UTRN: variants seen among roughly 807,000 people sequenced by gnomAD.
The protein encoded by UTRN is utrophin.
UTRN carries 283 observed loss-of-function variants against 463.9 expected under a neutral mutation model. The observed-to-expected ratio is 0.61, with a 90% CI of 0.55 to 0.67. UTRN has a LOEUF of 0.67. Ranked by LOEUF, UTRN falls within the 30% of genes least tolerant of loss-of-function variation. The probability of loss-of-function intolerance (pLI) is 0.00; values close to 1 mark genes in which losing one functional copy is unlikely to be tolerated. For missense variants in UTRN, 3,922 were observed against 4,084.3 expected (o/e 0.96, Z 1.08); for synonymous variants, 1,442 against 1,431.5 (o/e 1.01, Z -0.17).
Position 144,750,890 on chromosome 6 carries a change from T to C in UTRN, c.8209-916T>C, listed in dbSNP as rs147529727. ...GCTCATAATTACAATTTCTAAGTGC[T>C]CTTAGTAAGTTGTTTTAATGATTCT... On this transcript the variant is annotated intron_variant, in intron 55 of 74. Transcript: ENST00000367545. 3.9e-5 allele frequency among the ~76,000 whole-genome samples: 6 copies of C among 152,276 alleles called. No homozygotes were observed. In the East Asian group the frequency reaches 1.2e-3, roughly 29 times the overall value.
intron 4 of UTRN, 111 bp from the exon 5 acceptor site, chr6:144,423,438 C>G: frequency 9.3e-7 from 1 of 1,072,880 alleles, no homozygotes; most frequent in Non-Finnish European, 1.4e-6. Context: ...TCTCCTGCCT[C>G]TGAGGGGCCC....
At chr6:144,585,122 A>G (rs1802339593) in intron 51 of UTRN, among the ~76,000 whole-genome samples, 1 of 152,108 alleles carries the variant, frequency 6.6e-6, no homozygotes, top group South Asian at 2.1e-4. Flanking sequence ...TATTGGAGAA[A>G]GTTGCTAATT....
intron 51 of UTRN, among the ~76,000 whole-genome samples, chr6:144,610,947 GA>G (rs1447226093): frequency 6.6e-6 from 1 of 152,052 alleles, no homozygotes; most frequent in African/African-American, 2.4e-5. Context: ...GAATACAGGT[GA>G]AAAAACCCTC....
chr6:144,832,526 T>G (rs1586758019), intron 69 of UTRN, among the ~76,000 whole-genome samples: 1 of 152,320 alleles, frequency 6.6e-6, no homozygotes, highest in East Asian at 1.9e-4. Context: ...AAAAATTTAC[T>G]TGGTATTAAT....
chr6:144,517,383 A>G (rs1258407533), intron 39 of UTRN, among the ~76,000 whole-genome samples: 1 of 151,448 alleles, frequency 6.6e-6, no homozygotes, highest in African/African-American at 2.4e-5. Context: ...TTTTTTTTAA[A>G]GATGGGGTAT....
At chr6:144,685,730 A>G (rs9767429) in intron 52 of UTRN, among the ~76,000 whole-genome samples, 1 of 152,046 alleles carries the variant, frequency 6.6e-6, no homozygotes, top group African/African-American at 2.4e-5. Context: ...TGTTCTTGCT[A>G]ATTTGAGTTC....
intron 71 of UTRN, among the ~76,000 whole-genome samples, chr6:144,838,535 AG>A (rs2128761622): frequency 6.6e-6 from 1 of 152,342 alleles, no homozygotes; most frequent in Admixed American, 6.5e-5. Context: ...TCCATATTGA[AG>A]ATTTGCGTGA....
At position 144,744,350 on chromosome 6, in the gene UTRN, G is replaced by A. The variant is rs566863090; in HGVS notation, c.7940-3896G>A. Among the ~76,000 whole-genome samples the A allele has an allele frequency of 3.7e-5, 5 of 136,294 alleles. No homozygotes were observed. In the East Asian group the frequency reaches 6.6e-4, roughly 18 times the overall value. The allele number at this position is 136,294 out of a possible 152,430, so 89.4% of individuals were successfully genotyped here. A position where few individuals can be genotyped will look rare whatever the true frequency, so the allele number is the denominator to read the frequency against. ...TGTGTGTGTGTGTGTGTGTGTGTGTGTGTATAAAATTTTTAAATATATAGA... is the reference window on the plus strand; with the variant it reads ...TGTGTGTGTGTGTGTGTGTGTGTGTATGTATAAAATTTTTAAATATATAGA... On this transcript the variant is annotated intron_variant, in intron 54 of 74. Transcript: ENST00000367545.
intron 51 of UTRN, among the ~76,000 whole-genome samples, chr6:144,595,287 A>T (rs1803526652): frequency 6.6e-6 from 1 of 152,332 alleles, no homozygotes; most frequent in Admixed American, 6.5e-5. Context: ...TGGAAATCGA[A>T]ATATTAAATT....
chr6:144,662,554 A>C (rs1378311210), intron 51 of UTRN, among the ~76,000 whole-genome samples: 1 of 152,208 alleles, frequency 6.6e-6, no homozygotes, highest in Non-Finnish European at 1.5e-5. Flanking sequence ...ACCACTTTTC[A>C]TATCAGCAGT....
At chr6:144,334,495 G>T (rs530480555) in intron 2 of UTRN, among the ~76,000 whole-genome samples, 13 of 152,224 alleles carry the variant, frequency 8.5e-5, no homozygotes, top group African/African-American at 2.9e-4. Flanking sequence ...AGAGTTTGAG[G>T]CGTGGGTTTG....
chr6:144,830,864 G>C (rs986385021), intron 69 of UTRN, among the ~76,000 whole-genome samples: 1 of 152,058 alleles, frequency 6.6e-6, no homozygotes, highest in African/African-American at 2.4e-5. Context: ...CATTATCTCT[G>C]TCAGGTGGTG....
intron 20 of UTRN, 47 bp downstream of exon 20, chr6:144,459,058 C>T (rs1478584461): frequency 6.4e-7 from 1 of 1,569,694 alleles, no homozygotes; most frequent in Admixed American, 1.8e-5. Flanking sequence ...ATGTGCAGTT[C>T]CAGAGTTAAG....
chr6:144,841,860 C>A (rs1449419622), intron 73 of UTRN, among the ~76,000 whole-genome samples: 1 of 151,950 alleles, frequency 6.6e-6, no homozygotes, highest in African/African-American at 2.4e-5. Flanking sequence ...ACCTATAATC[C>A]CAGCACTTTG....
intron 1 of UTRN, among the ~76,000 whole-genome samples, chr6:144,289,410 A>G (rs1411117916): frequency 2.6e-5 from 4 of 152,214 alleles, no homozygotes; most frequent in Non-Finnish European, 5.9e-5. Flanking sequence ...TTTCCTGCAT[A>G]TAATATTACA....
chr6:144,702,478 C>A (rs1325422688), intron 53 of UTRN, among the ~76,000 whole-genome samples: 2 of 152,166 alleles, frequency 1.3e-5, no homozygotes, highest in Non-Finnish European at 2.9e-5. Context: ...CAATAATGAA[C>A]AAAACCAGGT....
At chr6:144,321,640 T>G (rs918542200) in intron 2 of UTRN, among the ~76,000 whole-genome samples, 1 of 151,684 alleles carries the variant, frequency 6.6e-6, no homozygotes, top group African/African-American at 2.4e-5. Context: ...CGGCTAATTT[T>G]TGTATTTTTA....
intron 25 of UTRN, among the ~76,000 whole-genome samples, chr6:144,475,610 T>G (rs1428709644): frequency 6.6e-6 from 1 of 152,088 alleles, no homozygotes; most frequent in Non-Finnish European, 1.5e-5. Flanking sequence ...CACTCTGGCT[T>G]TTTGTTTTGT....
chr6:144,340,024 G>A (rs940916612), intron 2 of UTRN, among the ~76,000 whole-genome samples: 25 of 152,100 alleles, frequency 1.6e-4, no homozygotes, highest in Non-Finnish European at 2.9e-4. Context: ...AAAATTAGCC[G>A]GGCATGGTGG....
Sources: gnomAD v4.1 joint callset for allele counts (sites outside exome capture counted in the v4.1 genomes callset) on GRCh38, gnomAD v4.1.1 for gene constraint, MANE v1.5 for transcripts, NCBI Gene and HGNC (gene_info 2026-07-23, HGNC 2026-07-21) for gene names.